Variants in PRDM2 observed in about 807,000 individuals in gnomAD.
The protein encoded by PRDM2 is PR domain zinc finger protein 2.
In PRDM2, 30 loss-of-function variants were observed where a neutral mutation model predicts 130.0. The observed-to-expected ratio is 0.23, with a 90% CI of 0.17 to 0.31. PRDM2 has a LOEUF of 0.31. PRDM2 is among the 10% of genes least tolerant of loss of function. The probability of loss-of-function intolerance (pLI) is 1.00; values close to 1 mark genes in which losing one functional copy is unlikely to be tolerated. For synonymous variants in PRDM2, 871 were observed against 782.4 expected (o/e 1.11, Z -1.89); for missense variants, 2,011 against 2,108.4 (o/e 0.95, Z 0.90).
chr1:13,719,412 G>A (rs960814499), intron 2 of PRDM2, among the ~76,000 whole-genome samples: 3 of 152,188 alleles, frequency 2.0e-5, no homozygotes, highest in African/African-American at 7.2e-5. Flanking sequence ...TGGTGTGAGA[G>A]GCAAGTTTTA....
rs1244347515 is a variant in PRDM2 at position 13,824,947 on chromosome 1, AATC to A, written c.*1815_*1817del. 3 of 152,812 alleles carry A rather than the reference AATC, an allele frequency of 2.0e-5. No individual in the cohort carries two copies. In the South Asian group the frequency reaches 6.2e-4, roughly 32 times the overall value. 9.5% of individuals were successfully genotyped at this position (152,812 alleles called of 1,614,324 possible). Reference sequence around the variant, plus strand: ...CCCAGACGGTCAGGAAAACTGTTCCAATCATGAAAAGGGGGGATGATTTTGTAA... The same window carrying A: ...CCCAGACGGTCAGGAAAACTGTTCCAATGAAAAGGGGGGATGATTTTGTAA... On this transcript the variant is annotated 3_prime_UTR_variant, in exon 10 of 10. Transcript: ENST00000311066.
chr1:13,779,291 G>C lies in PRDM2; in HGVS notation c.1496G>C (p.Arg499Thr). The C allele has an allele frequency of 6.2e-7, 1 of 1,614,110 alleles. No homozygotes were observed. The highest frequency in any genetic ancestry group is 8.5e-7 in the Non-Finnish European group (1 of 1,179,988). The change falls in exon 8 of 10, where the codon AGA (arginine) becomes ACA (threonine). Residue 499 changes from arginine (R) to threonine (T), a missense_variant. Arg to Thr is a moderately conservative substitution (Grantham distance 71, BLOSUM62 -1). Around this residue, in one of 5 missense-constraint regions of PRDM2, gnomAD observed 1,288 missense variants for 1,237.7 expected, o/e 1.04. Transcript: ENST00000311066. This position sits in a 1 kb window ranked among gnomAD's most constrained non-coding sequence, Gnocchi z 4.9. ...KKVFGTHTNM[R>T]RHQRRVHERH... is the part of the protein sequence containing the mutation. ...GTTTTTGGAACTCATACTAATATGA[G>C]ACGGCATCAGCGTAGAGTTCACGAA... is the stretch of plus-strand genomic sequence containing the variant.
chr1:13,722,709 G>A, intron 2 of PRDM2: 1 of 396,658 alleles, frequency 2.5e-6, no homozygotes, highest in Non-Finnish European at 5.0e-6. Context: ...TTCCCATTCT[G>A]TATTAGAATC....
At chr1:13,793,316 G>A (rs1436384118) in intron 8 of PRDM2, among the ~76,000 whole-genome samples, 7 of 152,230 alleles carry the variant, frequency 4.6e-5, no homozygotes, top group South Asian at 2.1e-4. Context: ...CTGTGGTGGC[G>A]CTGGTGATGA....
Position 13,773,058 on chromosome 1 carries a change from TA to T in PRDM2, c.512-12del, listed in dbSNP as rs748866358. ...ATAAAAAAAAAATGAATGAATAAAT[TA>T]AAAAAAATTGTGTTTCAGGGAAGAA... On this transcript the variant is annotated intron_variant, in intron 6 of 9. Coordinates refer to ENST00000311066, the MANE Select transcript of PRDM2 (RefSeq NM_001393986.1). 6.0e-5 allele frequency: 80 copies of T among 1,334,522 alleles called. No homozygotes were observed. The highest frequency in any genetic ancestry group is 4.7e-4 in the African/African-American group (31 of 65,424). The allele number at this position is 1,334,522 out of a possible 1,614,324, so 82.7% of individuals were successfully genotyped here.
chr1:13,782,913 CTTTTT>C (rs35153743), intron 8 of PRDM2, 82 bp downstream of exon 8: 436 of 1,448,704 alleles, frequency 3.0e-4, no homozygotes, highest in Admixed American at 8.3e-4. Context: ...TTTCTTGTTG[CTTTTT>C]TTTTTTTTTT....
At chr1:13,820,784 G>A (rs769831274) in intron 9 of PRDM2, among the ~76,000 whole-genome samples, 8 of 152,086 alleles carry the variant, frequency 5.3e-5, no homozygotes, top group Admixed American at 2.6e-4. Flanking sequence ...CTGCCCTCTC[G>A]GTGGGGGACT....
intron 1 of PRDM2, among the ~76,000 whole-genome samples, chr1:13,714,353 TC>T (rs1309345521): frequency 2.6e-5 from 4 of 151,948 alleles, no homozygotes; most frequent in African/African-American, 9.7e-5. Flanking sequence ...TTTTTTTTTT[TC>T]CTGAGTACTT....
intron 9 of PRDM2, 68 bp downstream of exon 9, chr1:13,816,638 T>C (rs1645263323): frequency 6.4e-7 from 1 of 1,550,530 alleles, no homozygotes; most frequent in Admixed American, 1.8e-5. Context: ...GCTTGGGTCT[T>C]GGGTGGGGAG....
chr1:13,714,287 G>C (rs1282572534), intron 1 of PRDM2, among the ~76,000 whole-genome samples: 1 of 151,202 alleles, frequency 6.6e-6, no homozygotes, highest in Non-Finnish European at 1.5e-5. Flanking sequence ...AAGATGCTCA[G>C]TATTAAAATG....
chr1:13,711,883 CT>C (rs1199478731), intron 1 of PRDM2, among the ~76,000 whole-genome samples: 1 of 152,044 alleles, frequency 6.6e-6, no homozygotes, highest in Non-Finnish European at 1.5e-5. Context: ...ATGTTATGAT[CT>C]TTCTTTTCTC....
chr1:13,717,641 A>G (rs994081061), intron 2 of PRDM2, among the ~76,000 whole-genome samples: 3 of 152,034 alleles, frequency 2.0e-5, no homozygotes, highest in Admixed American at 1.3e-4. Context: ...TGTTTAAAAA[A>G]GTCTGCTTGC....
At position 13,823,519 on chromosome 1, in the gene PRDM2, C is replaced by G; in HGVS notation, c.*384C>G. The G allele has an allele frequency of 3.1e-6, 1 of 327,250 alleles. No homozygotes were observed. The highest frequency in any genetic ancestry group is 4.6e-5 in the South Asian group (1 of 21,730). 20.3% of individuals were successfully genotyped at this position (327,250 alleles called of 1,614,324 possible). A position where few individuals can be genotyped will look rare whatever the true frequency, so the allele number is the denominator to read the frequency against. On this transcript the variant is annotated 3_prime_UTR_variant, in exon 10 of 10. Coordinates refer to ENST00000311066, the MANE Select transcript of PRDM2 (RefSeq NM_001393986.1). Reference sequence around the variant, plus strand: ...CCCTGCTTTTTGCTTCTTGAGTTGTCTTTTGCCATTATGGGGACTTTGGTT... The same window carrying G: ...CCCTGCTTTTTGCTTCTTGAGTTGTGTTTTGCCATTATGGGGACTTTGGTT...
chr1:13,764,904 T>G (rs1644186519), intron 6 of PRDM2, among the ~76,000 whole-genome samples: 2 of 152,238 alleles, frequency 1.3e-5, no homozygotes, highest in South Asian at 4.1e-4. Flanking sequence ...AGAAAAAGAT[T>G]TGAAATTATG....
intron 8 of PRDM2, among the ~76,000 whole-genome samples, chr1:13,784,973 A>G (rs985015262): frequency 6.6e-6 from 1 of 152,226 alleles, no homozygotes; most frequent in Non-Finnish European, 1.5e-5. Context: ...GATTTTGACT[A>G]TCTGGACACA....
intron 8 of PRDM2, chr1:13,786,599 C>T (rs996333496): frequency 7.5e-6 from 12 of 1,594,922 alleles, no homozygotes; most frequent in East Asian, 2.2e-5. Flanking sequence ...ATAAGCACTA[C>T]GGCAAAGGAT....
chr1:13,712,919 G>A lies in PRDM2; in HGVS notation c.-65-2622G>A, dbSNP rs559996867. Among the ~76,000 whole-genome samples the A allele has an allele frequency of 1.2e-3, 176 of 152,086 alleles. 3 individuals carry two copies. In the South Asian group the frequency reaches 0.036, roughly 31 times the overall value. Reference sequence around the variant, plus strand: ...AGCCTCCGACATTGCCTCTTCATGCGCCCCTCACCGACTCTGCACCAGCCA... The same window carrying A: ...AGCCTCCGACATTGCCTCTTCATGCACCCCTCACCGACTCTGCACCAGCCA... On this transcript the variant is annotated intron_variant, in intron 1 of 9. Coordinates refer to ENST00000311066, the MANE Select transcript of PRDM2 (RefSeq NM_001393986.1).
rs777133638 is a variant in PRDM2 at position 13,782,122 on chromosome 1, A to C, written c.4327A>C (p.Lys1443Gln). 1 of 1,614,052 alleles carries C rather than the reference A, an allele frequency of 6.2e-7. No homozygotes were observed. Among genetic ancestry groups the C allele is most frequent in the South Asian group, 1.1e-5 (1 of 91,086 alleles). The stretch of plus-strand genomic sequence containing the variant: ...TCAGAAAAACAAATCTGCAAAGCAG[A>C]AGGCCGACTTGAAAAATGCTTGTGA... Reference protein sequence around the residue: ...ILQKNKSAKQKADLKNACESS... With the variant: ...ILQKNKSAKQQADLKNACESS... Residue 1443 changes from lysine to glutamine, a missense_variant, in exon 8 of 10, where the codon AAG (lysine) becomes CAG (glutamine). Lys to Gln is a moderately conservative substitution (Grantham distance 53, BLOSUM62 1). Coordinates refer to ENST00000311066, the MANE Select transcript of PRDM2 (RefSeq NM_001393986.1).
chr1:13,740,035 C>T (rs1485592203), intron 4 of PRDM2, among the ~76,000 whole-genome samples: 1 of 152,146 alleles, frequency 6.6e-6, no homozygotes, highest in African/African-American at 2.4e-5. Flanking sequence ...TCATCTTTTT[C>T]TACAAAAGCA....
Sources: allele counts gnomAD v4.1 joint callset (sites outside exome capture counted in the v4.1 genomes callset), GRCh38; gene constraint gnomAD v4.1.1; regional missense constraint gnomAD v4.1.1; non-coding constraint Gnocchi (gnomAD v3.1); transcripts MANE v1.5; gene names NCBI Gene and HGNC (gene_info 2026-07-23, HGNC 2026-07-21).